ABCC10: variants seen among roughly 807,000 people sequenced by gnomAD.
ABCC10 encodes the protein ATP-binding cassette sub-family C member 10.
A neutral mutation model predicts 143.2 loss-of-function variants in ABCC10; 110 were observed. The ratio of observed to expected loss-of-function variants is 0.77; its 90% CI spans 0.66 to 0.90. The LOEUF is 0.90. ABCC10 is among the 40% of genes least tolerant of loss of function. ABCC10 has a pLI of 0.00. For missense variants in ABCC10, 1,700 were observed against 1,900.5 expected (o/e 0.89, Z 1.96); for synonymous variants, 805 against 846.7 (o/e 0.95, Z 0.85).
Position 43,433,305 on chromosome 6 carries a change from C to G in ABCC10, c.1325C>G (p.Thr442Ser). 1 of 1,614,088 alleles carries G rather than the reference C, an allele frequency of 6.2e-7. No homozygotes were observed. The highest frequency in any genetic ancestry group is 8.5e-7 in the Non-Finnish European group (1 of 1,179,928). The stretch of plus-strand genomic sequence containing the variant: ...GTACCCGTCAACAAAGTGATTGCCA[C>G]CCGCATCATGGCCAGCAACCAGGAA... ...LLVPVNKVIA[T>S]RIMASNQEML... is the part of the protein sequence containing the mutation. Residue 442 changes from threonine (T) to serine (S), a missense_variant, in exon 3 of 22, where the codon ACC becomes AGC. Physicochemically the swap from Thr to Ser is moderately conservative, Grantham distance 58 (BLOSUM62 1). Transcript: ENST00000372530.
intron 18 of ABCC10, 159 bp downstream of exon 18, chr6:43,448,096 C>T (rs1447257280): frequency 8.6e-7 from 1 of 1,163,430 alleles, no homozygotes; most frequent in South Asian, 1.3e-5. Flanking sequence ...CAGCGAACTC[C>T]TAGTGCCCAG....
Position 43,428,029 on chromosome 6 carries a change from C to G in ABCC10, c.51C>G (p.Leu17=). ...QLCGSSAAWP[L]PLWEGDTTGH... is the part of the protein sequence containing the mutation. ...GCGGCAGCAGCGCAGCGTGGCCGCT[C>G]CCGCTGTGGGAGGGGGACACCACAG... is the stretch of plus-strand genomic sequence containing the variant. Residue 17 remains leucine (L), a synonymous_variant, in exon 2 of 22, where the codon CTC becomes CTG. Transcript: ENST00000372530. The G allele has an allele frequency of 6.2e-7, 1 of 1,607,384 alleles. No individual in the cohort carries two copies. The highest frequency in any genetic ancestry group is 2.2e-5 in the East Asian group (1 of 44,620).
intron 16 of ABCC10, 131 bp downstream of exon 16, chr6:43,446,577 TATC>T (rs1783105292): frequency 1.4e-6 from 2 of 1,430,812 alleles, no homozygotes; most frequent in South Asian, 3.0e-5. Context: ...GTATCATGAT[TATC>T]ATCATCACCC....
chr6:43,450,028 CCT>C lies in ABCC10; in HGVS notation c.4417_4418del (p.Leu1473ValfsTer115). 6.2e-7 allele frequency: 1 copy of C among 1,613,062 alleles called. No individual in the cohort carries two copies. Among genetic ancestry groups the C allele is most frequent in the Non-Finnish European group, 8.5e-7 (1 of 1,179,722 alleles). Reference sequence around the variant, plus strand: ...CCACCCTGCGCAACCAGCCCCACTCCCTGTTCCAGCAGCTGCTGCAGAGCAGC... The same window carrying C: ...CCACCCTGCGCAACCAGCCCCACTCCGTTCCAGCAGCTGCTGCAGAGCAGC... ...PATLRNQPHS[L>X]FQQLLQSSQQ... On this transcript the variant is annotated frameshift_variant, in exon 22 of 22. Transcript: ENST00000372530. LOFTEE classifies it high-confidence loss of function. This position sits in a 1 kb window ranked among gnomAD's most constrained non-coding sequence, Gnocchi z 4.5.
At position 43,444,192 on chromosome 6, in the gene ABCC10, C is replaced by CA; in HGVS notation, c.2531dup (p.Glu845GlyfsTer59). The CA allele has an allele frequency of 6.2e-7, 1 of 1,613,864 alleles. No individual in the cohort carries two copies. Among genetic ancestry groups the CA allele is most frequent in the South Asian group, 1.1e-5 (1 of 91,040 alleles). ...CAGTCAGTACAGAACCCAGAGAAAA[C>CA]AAAGGAGGGGCTGGAGGAGGAGCAG... On this transcript the variant is annotated frameshift_variant, in exon 12 of 22. Transcript: ENST00000372530. LOFTEE classifies it high-confidence loss of function.
chr6:43,437,610 G>A (rs1328734783), intron 6 of ABCC10, among the ~76,000 whole-genome samples: 1 of 152,062 alleles, frequency 6.6e-6, no homozygotes, highest in East Asian at 1.9e-4. Flanking sequence ...CTCCCGTTCT[G>A]GAGTGCCTGT....
chr6:43,434,924 G>A (rs1781524862), intron 4 of ABCC10, 76 bp downstream of exon 4: 1 of 1,473,070 alleles, frequency 6.8e-7, no homozygotes, highest in Non-Finnish European at 9.4e-7. Flanking sequence ...GGCCCTCAGT[G>A]CTGGCTGAGA....
At chr6:43,449,330 G>A in intron 20 of ABCC10, 92 bp from the exon 21 acceptor site, 1 of 1,491,102 alleles carries the variant, frequency 6.7e-7, no homozygotes, top group Non-Finnish European at 9.2e-7. Flanking sequence ...TGGAAGTGGG[G>A]AGCTGTGGTA....
rs1441995050 is a variant in ABCC10, at chr6:43,447,773, A to AG, written c.3796dup (p.Val1266GlyfsTer83). The AG allele has an allele frequency of 9.3e-6, 15 of 1,613,494 alleles. No homozygotes were observed. The highest frequency in any genetic ancestry group is 1.3e-5 in the Non-Finnish European group (15 of 1,179,936). On this transcript the variant is annotated frameshift_variant, in exon 18 of 22. Transcript: ENST00000372530. LOFTEE classifies it high-confidence loss of function. Reference sequence around the variant, plus strand: ...CAGGGCTGCCGAATGCCCTGGATGGAGTGACCTTCTGCGTGCAGCCTGGAG... The same window carrying AG: ...CAGGGCTGCCGAATGCCCTGGATGGAGGTGACCTTCTGCGTGCAGCCTGGAG...
chr6:43,429,231 G>C (rs1229024999), intron 2 of ABCC10, among the ~76,000 whole-genome samples: 1 of 34,678 alleles, frequency 2.9e-5, no homozygotes, highest in Non-Finnish European at 6.9e-5. Context: ...AGACTTGAAG[G>C]GGTGATGAGG....
chr6:43,450,448 G>C (rs1197438571), downstream of ABCC10: 2 of 1,417,868 alleles, frequency 1.4e-6, no homozygotes, highest in Non-Finnish European at 1.9e-6. The surrounding 1 kb of genome is among the most constrained non-coding windows in gnomAD (Gnocchi z 4.5). Flanking sequence ...TCCTCTGTGT[G>C]TGTACCCAAG....
At chr6:43,428,379 G>A (rs796867927) in intron 2 of ABCC10, among the ~76,000 whole-genome samples, 19 of 152,290 alleles carry the variant, frequency 1.2e-4, no homozygotes, top group African/African-American at 4.6e-4. Context: ...ATAGTGCAGC[G>A]CCTGGCATGT....
chr6:43,439,658 A>G (rs2127396110), intron 8 of ABCC10, among the ~76,000 whole-genome samples: 1 of 152,252 alleles, frequency 6.6e-6, no homozygotes, highest in African/African-American at 2.4e-5. Flanking sequence ...ATCTCGGCTC[A>G]CTGCAACCTC....
chr6:43,450,708 G>C (rs774403616), downstream of ABCC10: 3 of 1,613,962 alleles, frequency 1.9e-6, no homozygotes, highest in Non-Finnish European at 2.5e-6. This position sits in a 1 kb window ranked among gnomAD's most constrained non-coding sequence, Gnocchi z 4.5. Context: ...GGCCCTCAGG[G>C]TCAGCAACAC....
At chr6:43,451,504 G>T (rs1370625910), downstream of ABCC10, among the ~76,000 whole-genome samples, 1 of 152,244 alleles carries the variant, frequency 6.6e-6, no homozygotes, top group Non-Finnish European at 1.5e-5. The surrounding 1 kb of genome is among the most constrained non-coding windows in gnomAD (Gnocchi z 4.4). Flanking sequence ...CCAGAAGGCA[G>T]GGCTCAGGGT....
downstream of ABCC10, chr6:43,451,979 C>T (rs773342263): frequency 1.3e-5 from 21 of 1,614,210 alleles, no homozygotes; most frequent in South Asian, 1.4e-4. The surrounding 1 kb of genome is among the most constrained non-coding windows in gnomAD (Gnocchi z 4.4). Flanking sequence ...CTCGCAGTCA[C>T]GCCCATGGAA....
Position 43,443,768 on chromosome 6 carries a change from A to G in ABCC10, c.2417-165A>G, listed in dbSNP as rs1782723210. The G allele has an allele frequency of 1.5e-6, 1 of 673,650 alleles. No individual in the cohort carries two copies. The highest frequency in any genetic ancestry group is 2.7e-5 in the East Asian group (1 of 37,602). The allele number at this position is 673,650 out of a possible 1,614,324, so 41.7% of individuals were successfully genotyped here. ...AGGGGTATCCAGAGCAGGGTGGGTT[A>G]GAGAGGGAGGCCTAAGAGTCCTGCT... is the stretch of plus-strand genomic sequence containing the variant. On this transcript the variant is annotated intron_variant, in intron 10 of 21. Coordinates refer to ENST00000372530, the MANE Select transcript of ABCC10 (RefSeq NM_001198934.2). The surrounding 1 kb of genome is among the most constrained non-coding windows in gnomAD (Gnocchi z 4.2).
intron 2 of ABCC10, among the ~76,000 whole-genome samples, chr6:43,431,368 T>G (rs1373874716): frequency 1.3e-5 from 2 of 152,080 alleles, no homozygotes; most frequent in Admixed American, 6.6e-5. Context: ...TTGGATTTTC[T>G]TTTTTTTCCT....
intron 16 of ABCC10, 34 bp from the exon 17 acceptor site, chr6:43,447,214 A>C: frequency 1.2e-6 from 2 of 1,601,202 alleles, no homozygotes; most frequent in Non-Finnish European, 1.7e-6. Context: ...CCGGTGTCCA[A>C]GCTCTCCCAG....
Sources: gnomAD v4.1 joint callset for allele counts (sites outside exome capture counted in the v4.1 genomes callset) on GRCh38, gnomAD v4.1.1 for gene constraint, Gnocchi (gnomAD v3.1) non-coding constraint, MANE v1.5 for transcripts, NCBI Gene and HGNC (gene_info 2026-07-23, HGNC 2026-07-21) for gene names.